GGA1: variants seen among roughly 807,000 people sequenced by gnomAD.
The protein encoded by GGA1 is ADP-ribosylation factor-binding protein GGA1.
A neutral mutation model predicts 76.9 loss-of-function variants in GGA1; 18 were observed. The observed-to-expected ratio is 0.23, with a 90% CI of 0.16 to 0.35. The LOEUF is 0.35. Ranked by LOEUF, GGA1 falls within the 10% of genes least tolerant of loss-of-function variation. GGA1 has a pLI of 1.00. For synonymous variants in GGA1, 342 were observed against 354.7 expected (o/e 0.96, Z 0.40); for missense variants, 755 against 859.0 (o/e 0.88, Z 1.51).
In GGA1 at chr22:37,624,770, G is replaced by A; in HGVS notation, c.833-199G>A. Reference sequence around the variant, plus strand: ...GAGACAGCCCAGGCAGTATGGCAGGGAGTGAATGAGGGAAGGGTGGGAGGT... The same window carrying A: ...GAGACAGCCCAGGCAGTATGGCAGGAAGTGAATGAGGGAAGGGTGGGAGGT... On this transcript the variant is annotated intron_variant, in intron 9 of 16. Coordinates refer to ENST00000343632, the MANE Select transcript of GGA1 (RefSeq NM_013365.5). The surrounding 1 kb of genome is among the most constrained non-coding windows in gnomAD (Gnocchi z 4.3). The A allele has an allele frequency of 1.5e-6, 1 of 646,212 alleles. No homozygotes were observed. The highest frequency in any genetic ancestry group is 1.8e-5 in the South Asian group (1 of 54,822). The allele number at this position is 646,212 out of a possible 1,614,324, so 40.0% of individuals were successfully genotyped here. A position where few individuals can be genotyped will look rare whatever the true frequency, so the allele number is the denominator to read the frequency against.
Position 37,629,488 on chromosome 22 carries a change from G to A in GGA1, c.1120G>A (p.Gly374Ser). 5 of 1,590,694 alleles carry A rather than the reference G, an allele frequency of 3.1e-6. No individual in the cohort carries two copies. Among genetic ancestry groups the A allele is most frequent in the Non-Finnish European group, 4.3e-6 (5 of 1,170,622 alleles). ...LGLSDPTPPSGPSLDGTGWNS... is the reference protein window; with the variant it reads ...LGLSDPTPPSSPSLDGTGWNS... ...CCTCAGTGACCCCACACCCCCTTCA[G>A]GCCCAAGCCTGGATGGTACCGGATG... Residue 374 changes from glycine (G) to serine (S), a missense_variant, in exon 12 of 17, where the codon GGC (glycine) becomes AGC (serine). Transcript: ENST00000343632.
At chr22:37,613,929 G>C (rs573870722) in intron 1 of GGA1, 2 of 464,844 alleles carry the variant, frequency 4.3e-6, no homozygotes, top group African/African-American at 3.9e-5. Flanking sequence ...AGCTGCAGGG[G>C]TGGGAGGAGT....
At chr22:37,611,766 G>A (rs1375167257) in intron 1 of GGA1, among the ~76,000 whole-genome samples, 1 of 152,240 alleles carries the variant, frequency 6.6e-6, no homozygotes, top group Non-Finnish European at 1.5e-5. Context: ...GGCTGGGAAG[G>A]GGTGGTCCTT....
intron 1 of GGA1, chr22:37,610,737 G>A (rs892028657): frequency 3.9e-5 from 6 of 152,278 alleles, no homozygotes; most frequent in Non-Finnish European, 7.3e-5. Context: ...GAGTGGCAGG[G>A]TGGAGTCTTA....
intron 14 of GGA1, among the ~76,000 whole-genome samples, chr22:37,631,472 C>A (rs1001570927): frequency 1.3e-5 from 2 of 152,142 alleles, no homozygotes; most frequent in Admixed American, 6.5e-5. Context: ...AGCCCAGGAG[C>A]AGTAAGGGGA....
intron 2 of GGA1, among the ~76,000 whole-genome samples, chr22:37,616,397 A>G (rs556555839): frequency 6.6e-6 from 1 of 152,310 alleles, no homozygotes; most frequent in Admixed American, 6.5e-5. Context: ...GCCTCCTCAC[A>G]CATGACCAGT....
chr22:37,632,591 T>C lies in GGA1; in HGVS notation c.1810-10T>C. Reference sequence around the variant, plus strand: ...CTCTGACCCCTCTGCCTTTGCCATCTCTTCCCCAGGAGAAGGTTCGCCTCC... The same window carrying C: ...CTCTGACCCCTCTGCCTTTGCCATCCCTTCCCCAGGAGAAGGTTCGCCTCC... On this transcript the variant is annotated splice_polypyrimidine_tract_variant and intron_variant, in intron 16 of 16. Transcript: ENST00000343632. The surrounding 1 kb of genome is among the most constrained non-coding windows in gnomAD (Gnocchi z 5.1). The C allele has an allele frequency of 6.2e-7, 1 of 1,606,204 alleles. No homozygotes were observed. Among genetic ancestry groups the C allele is most frequent in the Non-Finnish European group, 8.5e-7 (1 of 1,172,904 alleles).
At chr22:37,621,495 G>A in intron 6 of GGA1, 121 bp from the exon 7 acceptor site, 1 of 650,598 alleles carries the variant, frequency 1.5e-6, no homozygotes, top group Admixed American at 2.6e-5. Context: ...CCATTTCACA[G>A]AGAGCTTAAG....
intron 14 of GGA1, 74 bp from the exon 15 acceptor site, chr22:37,631,922 C>T (rs1931865612): frequency 1.4e-6 from 2 of 1,384,130 alleles, no homozygotes; most frequent in East Asian, 2.4e-5. Flanking sequence ...CTGAGGCCAG[C>T]CGGGTGGGGG....
chr22:37,619,923 C>CT (rs982582812), intron 4 of GGA1: 26 of 691,668 alleles, frequency 3.8e-5, no homozygotes, highest in Admixed American at 2.9e-4. Context: ...TCTGGCTCCT[C>CT]TTTCCTGGGA....
intron 3 of GGA1, chr22:37,617,355 C>T (rs776527595): frequency 2.6e-6 from 3 of 1,150,288 alleles, no homozygotes; most frequent in Non-Finnish European, 3.2e-6. Context: ...TATCTGCATC[C>T]AGAGATCTGC....
In GGA1 at chr22:37,632,073, G is replaced by A. The variant is rs759856474; in HGVS notation, c.1606G>A (p.Gly536Arg). The A allele has an allele frequency of 1.2e-6, 2 of 1,613,804 alleles. No individual in the cohort carries two copies. The highest frequency in any genetic ancestry group is 3.3e-5 in the Admixed American group (2 of 60,020). The change falls in exon 15 of 17, where the codon GGG (glycine) becomes AGG (arginine). Residue 536 changes from glycine (G) to arginine (R), a missense_variant. Gly to Arg is a moderately radical substitution (Grantham distance 125, BLOSUM62 -2). Transcript: ENST00000343632. This position sits in a 1 kb window ranked among gnomAD's most constrained non-coding sequence, Gnocchi z 5.1. ...CCATTTTGCCCGGGACCCACTGCCAGGGCGCTCCGACGTGCTGGTGGTGGT... is the reference window on the plus strand; with the variant it reads ...CCATTTTGCCCGGGACCCACTGCCAAGGCGCTCCGACGTGCTGGTGGTGGT... ...LFHFARDPLP[G>R]RSDVLVVVVS...
At chr22:37,612,930 C>T (rs1928009475) in intron 1 of GGA1, 1 of 985,054 alleles carries the variant, frequency 1.0e-6, no homozygotes, top group East Asian at 1.1e-4. Context: ...ACCTGTTGGC[C>T]CTCTTTCCTT....
At chr22:37,609,109 G>A in intron 1 of GGA1, 2 of 1,485,138 alleles carry the variant, frequency 1.3e-6, no homozygotes, top group East Asian at 3.0e-5. Context: ...GGGAGCGGGC[G>A]CCGCCCACCT....
chr22:37,633,419 G>A lies in GGA1; in HGVS notation c.*708G>A, dbSNP rs949631620. ...GGCTGTGGGGCACCTAGAGTTCTCGGTGTGTCTCCTTCATTCATTGGCCTC... is the reference window on the plus strand; with the variant it reads ...GGCTGTGGGGCACCTAGAGTTCTCGATGTGTCTCCTTCATTCATTGGCCTC... On this transcript the variant is annotated 3_prime_UTR_variant, in exon 17 of 17. Coordinates refer to ENST00000343632, the MANE Select transcript of GGA1 (RefSeq NM_013365.5). The A allele has an allele frequency of 2.0e-5, 3 of 152,186 alleles. No homozygotes were observed. The highest frequency in any genetic ancestry group is 2.9e-5 in the Non-Finnish European group (2 of 68,056). The allele number at this position is 152,186 out of a possible 1,614,324, so 9.4% of individuals were successfully genotyped here. A position where few individuals can be genotyped will look rare whatever the true frequency, so the allele number is the denominator to read the frequency against.
chr22:37,631,895 A>G, intron 14 of GGA1, 101 bp from the exon 15 acceptor site: 1 of 984,660 alleles, frequency 1.0e-6, no homozygotes, highest in African/African-American at 1.6e-5. Flanking sequence ...TCTTGTTGCC[A>G]GTACAGCAGC....
intron 2 of GGA1, among the ~76,000 whole-genome samples, chr22:37,615,305 C>T (rs538941458): frequency 6.6e-6 from 1 of 151,204 alleles, no homozygotes; most frequent in Non-Finnish European, 1.5e-5. Context: ...AAAAATTAGC[C>T]GGGCATGGTG....
chr22:37,623,889 A>G lies in GGA1; in HGVS notation c.832+256A>G, dbSNP rs1298133631. 6.4e-6 allele frequency: 3 copies of G among 471,444 alleles called. No homozygotes were observed. The highest frequency in any genetic ancestry group is 7.8e-6 in the Non-Finnish European group (2 of 256,208). The allele number at this position is 471,444 out of a possible 1,614,324, so 29.2% of individuals were successfully genotyped here. ...CCGCAGCTGCACAGGAGGCAGACCCATCCCCTTTTCACAACTGGGGCTAAG... is the reference window on the plus strand; with the variant it reads ...CCGCAGCTGCACAGGAGGCAGACCCGTCCCCTTTTCACAACTGGGGCTAAG... On this transcript the variant is annotated intron_variant, in intron 9 of 16. Coordinates refer to ENST00000343632, the MANE Select transcript of GGA1 (RefSeq NM_013365.5). This position sits in a 1 kb window ranked among gnomAD's most constrained non-coding sequence, Gnocchi z 4.6.
At position 37,632,006 on chromosome 22, in the gene GGA1, G is replaced by A. The variant is rs766797237; in HGVS notation, c.1539G>A (p.Leu513=). The A allele has an allele frequency of 1.2e-6, 2 of 1,609,838 alleles. No individual in the cohort carries two copies. The highest frequency in any genetic ancestry group is 2.7e-5 in the African/African-American group (2 of 75,002). ...CACCTTCTCCCACAGGCAACATCCTGCCCGTGACTGTGTATGACCAGCACG... is the reference window on the plus strand; with the variant it reads ...CACCTTCTCCCACAGGCAACATCCTACCCGTGACTGTGTATGACCAGCACG... ...PLESIKPSNI[L]PVTVYDQHGF... is the part of the protein sequence containing the mutation. The change falls in exon 15 of 17, where the codon CTG becomes CTA. Residue 513 remains leucine, a synonymous_variant. Coordinates refer to ENST00000343632, the MANE Select transcript of GGA1 (RefSeq NM_013365.5). This position sits in a 1 kb window ranked among gnomAD's most constrained non-coding sequence, Gnocchi z 5.1.
Sources: gnomAD v4.1 joint callset for allele counts (sites outside exome capture counted in the v4.1 genomes callset) on GRCh38, gnomAD v4.1.1 for gene constraint, Gnocchi (gnomAD v3.1) non-coding constraint, MANE v1.5 for transcripts, NCBI Gene and HGNC (gene_info 2026-07-23, HGNC 2026-07-21) for gene names.